Variants in FARS2 observed in about 807,000 individuals in gnomAD.
FARS2 encodes the protein phenylalanyl-tRNA synthetase 2, mitochondrial.
FARS2 carries 40 observed loss-of-function variants against 46.4 expected under a neutral mutation model. That is an observed-to-expected ratio of 0.86 (90% confidence interval 0.67 to 1.12). The LOEUF (loss-of-function observed/expected upper bound fraction) is 1.12, where lower values mean the gene tolerates loss of function less well. Ranked by LOEUF, FARS2 falls within the 50% of genes most tolerant of loss-of-function variation. The probability of loss-of-function intolerance (pLI) is 0.00; values close to 1 mark genes in which losing one functional copy is unlikely to be tolerated. For synonymous variants in FARS2, 234 were observed against 214.9 expected (o/e 1.09, Z -0.78); for missense variants, 513 against 567.9 (o/e 0.90, Z 0.98).
chr6:5,301,635 G>A (rs960750850), intron 1 of FARS2, among the ~76,000 whole-genome samples: 21 of 152,090 alleles, frequency 1.4e-4, no homozygotes, highest in African/African-American at 5.1e-4. Flanking sequence ...TCTATCAAGA[G>A]CAGTTTGCAT....
chr6:5,605,456 C>G lies in FARS2; in HGVS notation c.1066-7713C>G, dbSNP rs1774778144. Among the ~76,000 whole-genome samples the G allele has an allele frequency of 3.3e-5, 5 of 152,226 alleles. No homozygotes were observed. In the South Asian group the frequency reaches 6.2e-4, roughly 19 times the overall value. On this transcript the variant is annotated intron_variant, in intron 5 of 6. Coordinates refer to ENST00000274680, the MANE Select transcript of FARS2 (RefSeq NM_006567.5). ...AGAGACAAGGCCTCCTTCTCAGGAACTGAGCTAAGCACCCCATGTCATCAT... is the reference window on the plus strand; with the variant it reads ...AGAGACAAGGCCTCCTTCTCAGGAAGTGAGCTAAGCACCCCATGTCATCAT...
At chr6:5,557,468 A>C (rs1266932407) in intron 5 of FARS2, among the ~76,000 whole-genome samples, 1 of 152,134 alleles carries the variant, frequency 6.6e-6, no homozygotes, top group Non-Finnish European at 1.5e-5. Context: ...GACTTCCCTC[A>C]CATCTCATTT....
At chr6:5,287,496 C>T (rs1215421622) in intron 1 of FARS2, among the ~76,000 whole-genome samples, 1 of 152,114 alleles carries the variant, frequency 6.6e-6, no homozygotes, top group African/African-American at 2.4e-5. Flanking sequence ...TGCCTGTTTC[C>T]TCTTGCTCTC....
At chr6:5,374,795 A>G (rs1313383675) in intron 2 of FARS2, among the ~76,000 whole-genome samples, 4 of 152,126 alleles carry the variant, frequency 2.6e-5, no homozygotes, top group Admixed American at 6.6e-5. Flanking sequence ...ATTAACTGAT[A>G]TAAGGAGAAA....
At chr6:5,611,956 A>C (rs1582582449) in intron 5 of FARS2, among the ~76,000 whole-genome samples, 1 of 152,336 alleles carries the variant, frequency 6.6e-6, no homozygotes, top group East Asian at 1.9e-4. Context: ...TAAGGAACAA[A>C]AGGGAAAACA....
At chr6:5,434,924 G>A (rs538901826) in intron 4 of FARS2, among the ~76,000 whole-genome samples, 1 of 152,306 alleles carries the variant, frequency 6.6e-6, no homozygotes, top group South Asian at 2.1e-4. Context: ...GAAACTGATG[G>A]AGCAATGATA....
intron 6 of FARS2, among the ~76,000 whole-genome samples, chr6:5,741,108 G>A (rs748378626): frequency 1.3e-5 from 2 of 152,194 alleles, no homozygotes; most frequent in Non-Finnish European, 2.9e-5. Flanking sequence ...GAGAGTTGGT[G>A]CACATCCAGA....
intron 6 of FARS2, among the ~76,000 whole-genome samples, chr6:5,616,954 T>C (rs781719556): frequency 6.6e-6 from 1 of 150,902 alleles, no homozygotes; most frequent in Non-Finnish European, 1.5e-5. Flanking sequence ...ATGTGGGGGG[T>C]AGATGTCACT....
intron 1 of FARS2, among the ~76,000 whole-genome samples, chr6:5,288,810 A>G (rs1258455805): frequency 6.6e-6 from 1 of 152,218 alleles, no homozygotes; most frequent in African/African-American, 2.4e-5. Flanking sequence ...GGAAACAGCT[A>G]TTGTTCAGTC....
rs1308669887 is a variant in FARS2, at chr6:5,399,162, TATTATTATTATTATC to T, written c.613-5377_613-5363del. 4.6e-3 allele frequency among the ~76,000 whole-genome samples: 606 copies of T among 132,120 alleles called. 4 individuals carry two copies. Among genetic ancestry groups the T allele is most frequent in the African/African-American group, 8.9e-3 (305 of 34,194 alleles). The allele number at this position is 132,120 out of a possible 152,430, so 86.7% of individuals were successfully genotyped here. ...TTATTATTATTATTATTATTATTAT[TATTATTATTATTATC>T]ATCATCATCATCATCGAGACGGAGT... On this transcript the variant is annotated intron_variant, in intron 2 of 6. Transcript: ENST00000274680.
At chr6:5,627,070 A>C (rs1334705211) in intron 6 of FARS2, among the ~76,000 whole-genome samples, 2 of 152,240 alleles carry the variant, frequency 1.3e-5, no homozygotes, top group Non-Finnish European at 2.9e-5. Context: ...CCACAAATGC[A>C]TGAGTAATGT....
At chr6:5,477,352 G>A (rs925198947) in intron 4 of FARS2, among the ~76,000 whole-genome samples, 4 of 152,134 alleles carry the variant, frequency 2.6e-5, no homozygotes, top group African/African-American at 7.2e-5. Context: ...CATTACCCTA[G>A]CTTATTGTCT....
upstream of FARS2, among the ~76,000 whole-genome samples, chr6:5,256,491 GAAAAAAAAAAAAAAAAAAA>G (rs1161084364): frequency 6.8e-5 from 3 of 43,860 alleles, no homozygotes; most frequent in East Asian, 7.3e-4. Context: ...ATTTCAACTG[GAAAAAAAAAAAAAAAAAAA>G]AAAAAAAAAA....
intron 4 of FARS2, among the ~76,000 whole-genome samples, chr6:5,470,707 A>G (rs1765761828): frequency 6.6e-6 from 1 of 152,224 alleles, no homozygotes; most frequent in Admixed American, 6.5e-5. Flanking sequence ...CAAAGTTGGA[A>G]TCTAAGTCCT....
intron 3 of FARS2, among the ~76,000 whole-genome samples, chr6:5,405,412 A>G (rs1207409740): frequency 6.6e-6 from 1 of 150,740 alleles, no homozygotes; most frequent in Non-Finnish European, 1.5e-5. Context: ...GAGTGAAAAT[A>G]TACAGGCTGA....
intron 1 of FARS2, among the ~76,000 whole-genome samples, chr6:5,334,776 T>C (rs1771041577): frequency 6.6e-6 from 1 of 152,208 alleles, no homozygotes; most frequent in Non-Finnish European, 1.5e-5. Context: ...TATTTCCCCA[T>C]TTGTCTTTAA....
rs374953450 is a variant in FARS2, at chr6:5,302,199, GTGT to G, written c.-22+40546_-22+40548del. Among the ~76,000 whole-genome samples, 55 of 152,298 alleles carry G rather than the reference GTGT, an allele frequency of 3.6e-4. No individual in the cohort carries two copies. In the East Asian group the frequency reaches 6.2e-3, roughly 17 times the overall value. ...AGAATCTCAGGCGCCATCCAAACCT[GTGT>G]TGTTGTGTTGTTTAACAAGACCTCT... is the stretch of plus-strand genomic sequence containing the variant. On this transcript the variant is annotated intron_variant, in intron 1 of 6. Coordinates refer to ENST00000274680, the MANE Select transcript of FARS2 (RefSeq NM_006567.5).
intron 5 of FARS2, among the ~76,000 whole-genome samples, chr6:5,579,724 G>T (rs112753104): frequency 1.5e-4 from 23 of 152,172 alleles, no homozygotes; most frequent in Admixed American, 1.2e-3. Flanking sequence ...CCAGCACTTC[G>T]TATCTTGTTG....
intron 6 of FARS2, among the ~76,000 whole-genome samples, chr6:5,620,109 CTGG>C (rs1775687472): frequency 6.6e-6 from 1 of 151,928 alleles, no homozygotes; most frequent in Non-Finnish European, 1.5e-5. Flanking sequence ...TATTTTGGGC[CTGG>C]TAACTCTTTG....
Sources: allele counts gnomAD v4.1 joint callset (sites outside exome capture counted in the v4.1 genomes callset), GRCh38; gene constraint gnomAD v4.1.1; transcripts MANE v1.5; gene names NCBI Gene and HGNC (gene_info 2026-07-23, HGNC 2026-07-21).